MYLK: variants seen among roughly 807,000 people sequenced by gnomAD.
MYLK encodes myosin light chain kinase.
A neutral mutation model predicts 203.4 loss-of-function variants in MYLK; 106 were observed. That is an observed-to-expected ratio of 0.52 (90% CI 0.45 to 0.61). MYLK has a LOEUF of 0.61. MYLK is among the 20% of genes least tolerant of loss of function. The pLI, the probability that MYLK is intolerant of heterozygous loss-of-function variation, is 0.00. For missense variants in MYLK, 2,072 were observed against 2,442.3 expected, an observed-to-expected ratio of 0.85 and a Z score of 3.20; for synonymous variants, 867 against 959.5, an observed-to-expected ratio of 0.90 and a Z score of 1.78.
chr3:123,666,084 G>T, intron 22 of MYLK, 135 bp downstream of exon 22: 2 of 1,377,918 alleles, frequency 1.5e-6, no homozygotes, highest in Non-Finnish European at 2.1e-6. Context: ...CGATGGGTAG[G>T]GGAGTGGCCT....
chr3:123,845,769 T>G (rs1291761936), intron 2 of MYLK, among the ~76,000 whole-genome samples: 1 of 152,196 alleles, frequency 6.6e-6, no homozygotes, highest in Admixed American at 6.5e-5. Flanking sequence ...TCCACCCATC[T>G]CAGCCTCCCA....
intron 20 of MYLK, among the ~76,000 whole-genome samples, chr3:123,670,624 G>A (rs2108369656): frequency 6.6e-6 from 1 of 152,200 alleles, no homozygotes; most frequent in South Asian, 2.1e-4. Flanking sequence ...GTATGGTGGT[G>A]CCTGTCTGTA....
At chr3:123,661,645 A>G (rs2059565162) in intron 23 of MYLK, among the ~76,000 whole-genome samples, 1 of 152,240 alleles carries the variant, frequency 6.6e-6, no homozygotes, top group African/African-American at 2.4e-5. Context: ...AAGGGAAAAG[A>G]GGGGACATGG....
intron 8 of MYLK, 46 bp from the exon 9 acceptor site, chr3:123,735,462 A>G (rs2062642801): frequency 6.2e-7 from 1 of 1,612,170 alleles, no homozygotes; most frequent in East Asian, 2.2e-5. Context: ...AGAATGCTGT[A>G]TACACCAAAA....
intron 5 of MYLK, 139 bp downstream of exon 5, chr3:123,752,192 A>C (rs2063215376): frequency 1.1e-6 from 1 of 870,652 alleles, no homozygotes; most frequent in Admixed American, 1.8e-5. Context: ...TTAGATTGGA[A>C]GGTCCGGGGT....
intron 19 of MYLK, among the ~76,000 whole-genome samples, chr3:123,690,311 T>C (rs1163833904): frequency 6.6e-6 from 1 of 152,226 alleles, no homozygotes; most frequent in Non-Finnish European, 1.5e-5. Flanking sequence ...CTTCAACGTA[T>C]TCTGATTCAT....
rs536775717 is a variant in MYLK, at chr3:123,679,263, C to T, written c.3652+2961G>A. On this transcript the variant is annotated intron_variant, in intron 20 of 33. Transcript: ENST00000360304. ...CGGAGGTTGTAGTGAGCGGAGATCG[C>T]GCCACTGCACTCCAGCCTGGTGACA... 2.8e-4 allele frequency among the ~76,000 whole-genome samples: 42 copies of T among 150,194 alleles called. No homozygotes were observed. In the South Asian group the frequency reaches 7.0e-3, roughly 25 times the overall value.
At chr3:123,782,965 G>A (rs2109041667) in intron 4 of MYLK, among the ~76,000 whole-genome samples, 1 of 152,294 alleles carries the variant, frequency 6.6e-6, no homozygotes. Context: ...TGTGCACAGT[G>A]TTTGTTCTAC....
rs2033718021 is a variant in MYLK at position 123,884,241 on chromosome 3, G to C, written c.-221C>G. 6.7e-6 allele frequency: 1 copy of C among 149,684 alleles called. No homozygotes were observed. The highest frequency in any genetic ancestry group is 2.4e-5 in the African/African-American group (1 of 41,176). The allele number at this position is 149,684 out of a possible 1,614,324, so 9.3% of individuals were successfully genotyped here. A position where few individuals can be genotyped will look rare whatever the true frequency, so the allele number is the denominator to read the frequency against. On this transcript the variant is annotated 5_prime_UTR_variant, in exon 1 of 34. Transcript: ENST00000360304. ...AAGGCGGCCCGGGAGCCGGGGCACC[G>C]GCGCTCGGCGGGGCGCCCCGGCCGC... is the stretch of plus-strand genomic sequence containing the variant.
intron 3 of MYLK, among the ~76,000 whole-genome samples, chr3:123,815,821 T>C (rs2065730356): frequency 6.6e-6 from 1 of 152,272 alleles, no homozygotes; most frequent in Non-Finnish European, 1.5e-5. Context: ...TGTTCTTTCA[T>C]TTATTTGTAA....
chr3:123,831,469 C>G (rs752881575), intron 3 of MYLK, 79 bp downstream of exon 3: 1 of 1,282,856 alleles, frequency 7.8e-7, no homozygotes, highest in South Asian at 1.2e-5. Flanking sequence ...GAAAGACACA[C>G]AGCTCCCCTC....
chr3:123,634,271 G>A (rs954523811), intron 29 of MYLK, among the ~76,000 whole-genome samples: 1 of 152,204 alleles, frequency 6.6e-6, no homozygotes, highest in East Asian at 1.9e-4. Flanking sequence ...GGATCCTAGG[G>A]CTGGAATCAG....
chr3:123,763,979 T>C (rs1158081762), intron 4 of MYLK, among the ~76,000 whole-genome samples: 1 of 152,244 alleles, frequency 6.6e-6, no homozygotes. Flanking sequence ...TTTCACACTT[T>C]TTCTACCTCA....
chr3:123,810,512 C>T (rs975029537), intron 3 of MYLK, among the ~76,000 whole-genome samples: 3 of 152,306 alleles, frequency 2.0e-5, no homozygotes, highest in East Asian at 1.9e-4. Flanking sequence ...TCATTTCTGG[C>T]GCTCAATAGA....
intron 3 of MYLK, 74 bp from the exon 4 acceptor site, chr3:123,793,918 G>T: frequency 6.4e-7 from 1 of 1,562,752 alleles, no homozygotes. Context: ...GGCATCAGGT[G>T]TGTCCAGTCT....
At position 123,818,392 on chromosome 3, in the gene MYLK, A is replaced by C. The variant is rs577886573; in HGVS notation, c.-4+13156T>G. ...GTTTGACTATGACCCTCTTGCTATG[A>C]CTCTGAGGAATGAAGAAAGAACACA... On this transcript the variant is annotated intron_variant, in intron 3 of 33. Coordinates refer to ENST00000360304, the MANE Select transcript of MYLK (RefSeq NM_053025.4). 2.6e-5 allele frequency among the ~76,000 whole-genome samples: 4 copies of C among 152,160 alleles called. No individual in the cohort carries two copies. The South Asian group carries it at 8.3e-4, about 32-fold the overall frequency.
intron 1 of MYLK, among the ~76,000 whole-genome samples, chr3:123,880,442 A>G (rs1321547061): frequency 6.6e-6 from 1 of 152,212 alleles, no homozygotes; most frequent in African/African-American, 2.4e-5. Flanking sequence ...ACAAATTAGC[A>G]TCAGATCTGA....
chr3:123,807,744 A>G (rs2065420639), intron 3 of MYLK, among the ~76,000 whole-genome samples: 1 of 152,190 alleles, frequency 6.6e-6, no homozygotes, highest in South Asian at 2.1e-4. Context: ...CCCAGAATGT[A>G]GTTAGAGATT....
chr3:123,833,077 C>T (rs2066384809), intron 2 of MYLK, among the ~76,000 whole-genome samples: 1 of 152,026 alleles, frequency 6.6e-6, no homozygotes, highest in Non-Finnish European at 1.5e-5. Context: ...GAATTCCCAC[C>T]CCATTACAGT....
Sources: gnomAD v4.1 joint callset for allele counts (sites outside exome capture counted in the v4.1 genomes callset) on GRCh38, gnomAD v4.1.1 for gene constraint, MANE v1.5 for transcripts, NCBI Gene and HGNC (gene_info 2026-07-23, HGNC 2026-07-21) for gene names.